HTR7: variants seen among roughly 807,000 people sequenced by gnomAD.
HTR7 encodes the protein 5-HT-7.
Under a neutral mutation model 34.0 loss-of-function variants are expected in HTR7, and 16 were observed. That is an observed-to-expected ratio of 0.47 (90% CI 0.32 to 0.71). The LOEUF (loss-of-function observed/expected upper bound fraction) is 0.71, where lower values mean the gene tolerates loss of function less well. Ranked by LOEUF, HTR7 falls within the 30% of genes least tolerant of loss-of-function variation. The probability of loss-of-function intolerance (pLI) is 0.04; values close to 1 mark genes in which losing one functional copy is unlikely to be tolerated. For synonymous variants in HTR7, 265 were observed against 260.2 expected (o/e 1.02, Z -0.18); for missense variants, 504 against 625.5 (o/e 0.81, Z 2.07).
In HTR7 at chr10:90,857,234, G is replaced by A. The variant is rs1038233537; in HGVS notation, c.438C>T (p.Gly146=). ...AGAAAAAGTGTCCAAAGATCCACTT[G>A]CCCCCGATGAGGTCGGTGACGCTGA... is the stretch of plus-strand genomic sequence containing the variant. ...PFVSVTDLIG[G]KWIFGHFFCN... is the part of the protein sequence containing the mutation. The change falls in exon 1 of 4, where the codon GGC becomes GGT. Residue 146 remains glycine (G), a synonymous_variant. Coordinates refer to ENST00000336152, the MANE Select transcript of HTR7 (RefSeq NM_019859.4). This position sits in a 1 kb window ranked among gnomAD's most constrained non-coding sequence, Gnocchi z 6.5. The A allele has an allele frequency of 6.2e-7, 1 of 1,614,154 alleles. No individual in the cohort carries two copies. Among genetic ancestry groups the A allele is most frequent in the African/African-American group, 1.3e-5 (1 of 75,036 alleles).
chr10:90,780,826 AT>A lies in HTR7; in HGVS notation c.540-31233del, dbSNP rs549686149. On this transcript the variant is annotated intron_variant, in intron 1 of 3. Coordinates refer to ENST00000336152, the MANE Select transcript of HTR7 (RefSeq NM_019859.4). ...ATTGTTGGAAGTGGTCTGTTTCTTT[AT>A]CCCAGAAAGAGACAGACATAACCCC... is the stretch of plus-strand genomic sequence containing the variant. Among the ~76,000 whole-genome samples, 39 of 152,352 alleles carry A rather than the reference AT, an allele frequency of 2.6e-4. 1 individual carries two copies. The South Asian group carries it at 8.1e-3, about 32-fold the overall frequency.
At chr10:90,811,516 C>T (rs947717526) in intron 1 of HTR7, among the ~76,000 whole-genome samples, 1 of 152,042 alleles carries the variant, frequency 6.6e-6, no homozygotes, top group Non-Finnish European at 1.5e-5. Flanking sequence ...CAGGCGTAAT[C>T]GCCACACACC....
At chr10:90,827,636 A>C (rs531621172) in intron 1 of HTR7, among the ~76,000 whole-genome samples, 2 of 152,362 alleles carry the variant, frequency 1.3e-5, no homozygotes, top group African/African-American at 4.8e-5. Flanking sequence ...GAGACAAAGA[A>C]GGTCATTGTA....
chr10:90,824,031 G>C (rs1846029562), intron 1 of HTR7, among the ~76,000 whole-genome samples: 1 of 152,218 alleles, frequency 6.6e-6, no homozygotes, highest in South Asian at 2.1e-4. Flanking sequence ...CTTTATAGCA[G>C]TGTGATCACA....
intron 1 of HTR7, among the ~76,000 whole-genome samples, chr10:90,807,937 C>G (rs1845729594): frequency 6.6e-6 from 1 of 152,210 alleles, no homozygotes; most frequent in Non-Finnish European, 1.5e-5. Flanking sequence ...TATCCCTCAA[C>G]CACTTTCTCC....
At chr10:90,820,224 C>G (rs1845957553) in intron 1 of HTR7, among the ~76,000 whole-genome samples, 1 of 152,076 alleles carries the variant, frequency 6.6e-6, no homozygotes, top group African/African-American at 2.4e-5. Context: ...ATAAACTGTT[C>G]TGCATAATGA....
intron 1 of HTR7, among the ~76,000 whole-genome samples, chr10:90,779,902 A>G (rs1273072086): frequency 6.6e-5 from 10 of 152,124 alleles, no homozygotes. Flanking sequence ...CCCTGTGCTT[A>G]GGACACCCCA....
intron 1 of HTR7, among the ~76,000 whole-genome samples, chr10:90,809,444 C>A (rs932555957): frequency 6.6e-6 from 1 of 152,190 alleles, no homozygotes; most frequent in African/African-American, 2.4e-5. Context: ...CTGTCTTATT[C>A]TCAAAATACA....
chr10:90,801,368 A>G (rs1457816893), intron 1 of HTR7, among the ~76,000 whole-genome samples: 2 of 152,188 alleles, frequency 1.3e-5, no homozygotes, highest in African/African-American at 4.8e-5. Context: ...ATGTTGACTA[A>G]AACTCCATAG....
At chr10:90,810,161 C>G (rs1456593673) in intron 1 of HTR7, among the ~76,000 whole-genome samples, 1 of 152,126 alleles carries the variant, frequency 6.6e-6, no homozygotes, top group Non-Finnish European at 1.5e-5. Context: ...TTTAGTTATC[C>G]CCACCTGCCC....
intron 1 of HTR7, among the ~76,000 whole-genome samples, chr10:90,826,946 AAAT>A (rs1329583718): frequency 6.6e-6 from 1 of 151,662 alleles, no homozygotes; most frequent in South Asian, 2.1e-4. Context: ...CAAAAAATAA[AAAT>A]AATAATAATA....
At chr10:90,851,434 G>A (rs184610850) in intron 1 of HTR7, among the ~76,000 whole-genome samples, 23 of 151,756 alleles carry the variant, frequency 1.5e-4, no homozygotes, top group East Asian at 9.7e-4. Flanking sequence ...GTGAAACCCC[G>A]TCTCTACTAA....
At chr10:90,856,318 G>A (rs189946511) in intron 1 of HTR7, among the ~76,000 whole-genome samples, 12 of 152,302 alleles carry the variant, frequency 7.9e-5, no homozygotes, top group Admixed American at 2.0e-4. Context: ...TATTTCAAGG[G>A]TCAAAGACTA....
chr10:90,855,343 T>C (rs1846562222), intron 1 of HTR7, among the ~76,000 whole-genome samples: 1 of 152,148 alleles, frequency 6.6e-6, no homozygotes, highest in Non-Finnish European at 1.5e-5. Flanking sequence ...TGTATAGGAA[T>C]CACAAGGTGA....
chr10:90,827,686 T>A (rs985408283), intron 1 of HTR7, among the ~76,000 whole-genome samples: 11 of 152,152 alleles, frequency 7.2e-5, no homozygotes, highest in Non-Finnish European at 1.5e-4. Context: ...GATATAACAA[T>A]TGTAAATACA....
chr10:90,800,810 A>T, intron 1 of HTR7, among the ~76,000 whole-genome samples: 1 of 152,328 alleles, frequency 6.6e-6, no homozygotes, highest in East Asian at 1.9e-4. Flanking sequence ...TGTGAAAAAC[A>T]ACCATAGAAG....
At chr10:90,838,520 C>G (rs1462769471) in intron 1 of HTR7, among the ~76,000 whole-genome samples, 1 of 152,198 alleles carries the variant, frequency 6.6e-6, no homozygotes, top group Admixed American at 6.5e-5. Flanking sequence ...ACAAAGTAAC[C>G]ACAATGAACC....
At chr10:90,830,827 C>T (rs553689018) in intron 1 of HTR7, among the ~76,000 whole-genome samples, 57 of 150,258 alleles carry the variant, frequency 3.8e-4, no homozygotes, top group African/African-American at 1.2e-3. Flanking sequence ...CAAGCTTTGG[C>T]CCAGTTACGA....
chr10:90,807,381 A>G (rs565695090), intron 1 of HTR7, among the ~76,000 whole-genome samples: 1 of 152,326 alleles, frequency 6.6e-6, no homozygotes, highest in African/African-American at 2.4e-5. Context: ...GAATCACAAA[A>G]GAAGTGAATA....
Sources: gnomAD v4.1 joint callset for allele counts (sites outside exome capture counted in the v4.1 genomes callset) on GRCh38, gnomAD v4.1.1 for gene constraint, Gnocchi (gnomAD v3.1) non-coding constraint, MANE v1.5 for transcripts, NCBI Gene and HGNC (gene_info 2026-07-23, HGNC 2026-07-21) for gene names.